Variants in FGD4 observed in about 807,000 individuals in gnomAD.
FGD4 encodes FYVE, RhoGEF and PH domain-containing protein 4.
Under a neutral mutation model 102.0 loss-of-function variants are expected in FGD4, and 42 were observed. The observed-to-expected ratio is 0.41, with a 90% CI of 0.32 to 0.53. The LOEUF is 0.53. FGD4 is among the 20% of genes least tolerant of loss of function. The pLI, the probability that FGD4 is intolerant of heterozygous loss-of-function variation, is 0.21. For synonymous variants in FGD4, 380 were observed against 375.7 expected (o/e 1.01, Z -0.13); for missense variants, 902 against 1,078.2 (o/e 0.84, Z 2.29).
intron 1 of FGD4, among the ~76,000 whole-genome samples, chr12:32,536,017 A>G (rs1942223563): frequency 6.6e-6 from 1 of 152,138 alleles, no homozygotes. Context: ...CTACTGGATA[A>G]TTTTGTTAAA....
chr12:32,581,743 CG>C (rs1283331255), intron 3 of FGD4, among the ~76,000 whole-genome samples: 36 of 152,040 alleles, frequency 2.4e-4, no homozygotes, highest in Admixed American at 2.3e-3. Context: ...TAGGTAGACT[CG>C]GGGTCATCTT....
intron 1 of FGD4, among the ~76,000 whole-genome samples, chr12:32,546,617 T>TC (rs1186422728): frequency 1.3e-5 from 2 of 151,908 alleles, no homozygotes; most frequent in African/African-American, 4.9e-5. Context: ...CCTGAGGAGG[T>TC]TTGGGTCAGG....
intron 1 of FGD4, among the ~76,000 whole-genome samples, chr12:32,407,950 C>T (rs1344588240): frequency 6.6e-6 from 1 of 151,822 alleles, no homozygotes; most frequent in Non-Finnish European, 1.5e-5. Context: ...CCCCTCCTCA[C>T]CCCCAATGAG....
intron 1 of FGD4, among the ~76,000 whole-genome samples, chr12:32,469,953 C>T (rs1464579731): frequency 1.3e-5 from 2 of 152,166 alleles, no homozygotes; most frequent in East Asian, 3.8e-4. Flanking sequence ...GCCACTGTGC[C>T]TGGCCTAACC....
chr12:32,563,036 C>T (rs1248339424), intron 1 of FGD4, among the ~76,000 whole-genome samples: 4 of 146,542 alleles, frequency 2.7e-5, no homozygotes, highest in Admixed American at 1.3e-4. Context: ...GCTGGCCGGG[C>T]GGGGGGCTGA....
At position 32,460,271 on chromosome 12, in the gene FGD4, A is replaced by G. The variant is rs538371012; in HGVS notation, c.166+60312A>G. ...TCACGCCTGTAATCCGAGGACTTTG[A>G]GAAGTCGAGGCGGGAGGTTTGCTTG... On this transcript the variant is annotated intron_variant, in intron 1 of 16. Coordinates refer to ENST00000534526, the MANE Select transcript of FGD4 (RefSeq NM_001370298.3). Among the ~76,000 whole-genome samples, 5 of 152,232 alleles carry G rather than the reference A, an allele frequency of 3.3e-5. No individual in the cohort carries two copies. In the South Asian group the frequency reaches 8.3e-4, roughly 25 times the overall value.
At chr12:32,422,037 G>A (rs960160908) in intron 1 of FGD4, among the ~76,000 whole-genome samples, 68 of 151,218 alleles carry the variant, frequency 4.5e-4, no homozygotes, top group African/African-American at 1.5e-3. Flanking sequence ...CCAGCTACTC[G>A]GGAGGCTGAG....
intron 14 of FGD4, among the ~76,000 whole-genome samples, chr12:32,631,458 T>G (rs1950493891): frequency 6.6e-6 from 1 of 151,518 alleles, no homozygotes; most frequent in Non-Finnish European, 1.5e-5. Flanking sequence ...TATTTTTGAC[T>G]CACTACAGTA....
chr12:32,565,405 A>G (rs978047816), intron 2 of FGD4, among the ~76,000 whole-genome samples: 17 of 152,218 alleles, frequency 1.1e-4, no homozygotes, highest in Non-Finnish European at 2.1e-4. Flanking sequence ...CTGCTCCCTT[A>G]TAGCATTGAC....
chr12:32,566,429 AACCTG>A (rs1227766158), intron 2 of FGD4, among the ~76,000 whole-genome samples: 1 of 152,120 alleles, frequency 6.6e-6, no homozygotes, highest in African/African-American at 2.4e-5. Flanking sequence ...CATTCATTAC[AACCTG>A]ACCTGCTGTA....
chr12:32,484,679 C>T (rs2136554524), intron 1 of FGD4, among the ~76,000 whole-genome samples: 1 of 152,188 alleles, frequency 6.6e-6, no homozygotes, highest in Non-Finnish European at 1.5e-5. Flanking sequence ...CAAGACCAGC[C>T]TGGCCAACAT....
chr12:32,529,383 C>G (rs1207300557), intron 1 of FGD4, among the ~76,000 whole-genome samples: 1 of 152,154 alleles, frequency 6.6e-6, no homozygotes, highest in Admixed American at 6.5e-5. Context: ...CCTCAGCCTC[C>G]CGAACTGCTG....
intron 1 of FGD4, among the ~76,000 whole-genome samples, chr12:32,432,387 G>A (rs1191869663): frequency 5.3e-5 from 8 of 151,588 alleles, no homozygotes; most frequent in East Asian, 2.0e-4. Flanking sequence ...ACGCCGAGGC[G>A]GGTGGATCAC....
At chr12:32,407,302 T>C (rs1434936407) in intron 1 of FGD4, among the ~76,000 whole-genome samples, 1 of 151,646 alleles carries the variant, frequency 6.6e-6, no homozygotes, top group African/African-American at 2.4e-5. Flanking sequence ...ATTTTTGTAC[T>C]TTTAGTAGAG....
intron 1 of FGD4, among the ~76,000 whole-genome samples, chr12:32,438,810 A>C (rs1431727111): frequency 1.3e-5 from 2 of 151,808 alleles, no homozygotes; most frequent in Non-Finnish European, 2.9e-5. Flanking sequence ...GGGTTTCACC[A>C]TGTTAGCCAG....
chr12:32,523,839 G>C (rs953517128), intron 1 of FGD4, among the ~76,000 whole-genome samples: 3 of 151,720 alleles, frequency 2.0e-5, no homozygotes, highest in Non-Finnish European at 4.4e-5. Flanking sequence ...TTAGCCGGGC[G>C]TTGTGGCAGG....
intron 1 of FGD4, among the ~76,000 whole-genome samples, chr12:32,541,623 C>G (rs1460716029): frequency 6.6e-6 from 1 of 152,174 alleles, no homozygotes; most frequent in Non-Finnish European, 1.5e-5. Flanking sequence ...CTCAGCCTCC[C>G]AAAGTGCTGG....
intron 13 of FGD4, among the ~76,000 whole-genome samples, chr12:32,625,269 CTTTTTTTT>C (rs374139685): frequency 1.7e-5 from 2 of 119,910 alleles, no homozygotes; most frequent in Non-Finnish European, 3.5e-5. Flanking sequence ...TTTTCTTATT[CTTTTTTTT>C]TTTTTTTTTT....
intron 1 of FGD4, among the ~76,000 whole-genome samples, chr12:32,453,212 A>T (rs1164679349): frequency 1.8e-5 from 1 of 55,612 alleles, no homozygotes; most frequent in South Asian, 1.1e-3. Flanking sequence ...ATATATATAT[A>T]TATATATAAT....
Sources: gnomAD v4.1 joint callset for allele counts (sites outside exome capture counted in the v4.1 genomes callset) on GRCh38, gnomAD v4.1.1 for gene constraint, MANE v1.5 for transcripts, NCBI Gene and HGNC (gene_info 2026-07-23, HGNC 2026-07-21) for gene names.